Variants in KNDC1 observed in about 807,000 individuals in gnomAD.
KNDC1 encodes kinase non-catalytic C-lobe domain containing 1.
KNDC1 carries 106 observed loss-of-function variants against 172.8 expected under a neutral mutation model. That is an observed-to-expected ratio of 0.61 (90% CI 0.52 to 0.72). The LOEUF (loss-of-function observed/expected upper bound fraction) is 0.72, where lower values mean the gene tolerates loss of function less well. Ranked by LOEUF, KNDC1 falls within the 30% of genes least tolerant of loss-of-function variation. KNDC1 has a pLI of 0.00. For missense variants in KNDC1, 2,325 were observed against 2,394.5 expected (o/e 0.97, Z 0.61); for synonymous variants, 1,083 against 1,062.2 (o/e 1.02, Z -0.38).
intron 29 of KNDC1, among the ~76,000 whole-genome samples, chr10:133,222,427 C>A (rs1474988809): frequency 1.3e-4 from 19 of 149,036 alleles, no homozygotes; most frequent in Non-Finnish European, 2.2e-4. Flanking sequence ...GAGAGCCCAT[C>A]CAGGCATGCT....
At chr10:133,169,005 C>G (rs1271403097) in intron 3 of KNDC1, among the ~76,000 whole-genome samples, 4 of 152,252 alleles carry the variant, frequency 2.6e-5, no homozygotes, top group Non-Finnish European at 5.9e-5. Flanking sequence ...AGGCTGGGCT[C>G]TGTCCCCGGG....
chr10:133,184,055 G>A (rs1166675310), intron 5 of KNDC1, 66 bp downstream of exon 5: 11 of 915,456 alleles, frequency 1.2e-5, no homozygotes, highest in South Asian at 1.7e-5. Context: ...GTATGCACAC[G>A]TGCACATGCT....
chr10:133,177,178 A>AAT (rs751312542), intron 3 of KNDC1, among the ~76,000 whole-genome samples: 3,294 of 151,078 alleles, frequency 0.022, 45 homozygotes, highest in Middle Eastern at 0.035. Context: ...TATACAGTAT[A>AAT]GTGTGTCATG....
chr10:133,196,983 G>A (rs920712939), intron 10 of KNDC1, 75 bp from the exon 11 acceptor site: 1 of 1,203,696 alleles, frequency 8.3e-7, no homozygotes, highest in Non-Finnish European at 1.2e-6. Context: ...TTTTCAGATG[G>A]GGACCCAGTG....
chr10:133,198,797 C>T lies in KNDC1; in HGVS notation c.2289C>T (p.Pro763=), dbSNP rs557154577. The change falls in exon 14 of 30, where the codon CCC becomes CCT. Residue 763 remains proline (P), a synonymous_variant. Coordinates refer to ENST00000304613, the MANE Select transcript of KNDC1 (RefSeq NM_152643.8). ...DSAQGRPCPP[P]QAPANQPEGA... is the part of the protein sequence containing the mutation. ...CCCAGGGCCGCCCCTGCCCTCCACC[C>T]CAGGCCCCAGCAAACCAGCCAGAGG... The T allele has an allele frequency of 6.3e-7, 1 of 1,592,608 alleles. No individual in the cohort carries two copies. The highest frequency in any genetic ancestry group is 8.5e-7 in the Non-Finnish European group (1 of 1,170,084).
Position 133,183,030 on chromosome 10 carries a change from G to A in KNDC1, c.361-314G>A, listed in dbSNP as rs373037158. 3.8e-3 allele frequency among the ~76,000 whole-genome samples: 571 copies of A among 151,736 alleles called. 3 individuals carry two copies. The highest frequency in any genetic ancestry group is 0.011 in the African/African-American group (448 of 41,362). On this transcript the variant is annotated intron_variant, in intron 3 of 29. Transcript: ENST00000304613. ...AAGGGCATGGGTGGCATGGGTGCGA[G>A]CAGCATGGGCGGCGTGGGTACAAGT...
Position 133,183,531 on chromosome 10 carries a change from G to C in KNDC1, c.507+41G>C, listed in dbSNP as rs771449174. 8 of 1,562,686 alleles carry C rather than the reference G, an allele frequency of 5.1e-6. No homozygotes were observed. In the East Asian group the frequency reaches 1.8e-4, roughly 36 times the overall value. On this transcript the variant is annotated intron_variant, in intron 4 of 29. Transcript: ENST00000304613. ...CTGGGCCACCCCAGGCTGTGACCCT[G>C]ACCCCACAGGCCTGGACACCGTGTG... is the stretch of plus-strand genomic sequence containing the variant.
chr10:133,188,485 G>A (rs573218057), intron 6 of KNDC1, 54 bp from the exon 7 acceptor site: 159 of 1,191,832 alleles, frequency 1.3e-4, no homozygotes, highest in South Asian at 1.1e-3. Flanking sequence ...CTCTCCAGGC[G>A]GCGGGCCCTG....
At chr10:133,214,742 C>T (rs1845441281) in intron 26 of KNDC1, among the ~76,000 whole-genome samples, 3 of 152,370 alleles carry the variant, frequency 2.0e-5, no homozygotes, top group Admixed American at 6.5e-5. Flanking sequence ...CAAGCTCCAG[C>T]GCCGGGGCCC....
At position 133,198,459 on chromosome 10, in the gene KNDC1, T is replaced by A; in HGVS notation, c.2029T>A (p.Phe677Ile). Reference sequence around the variant, plus strand: ...AGCGTTCACCTCCGAGGCCACGCACTTCAAGCCCATTGTCCTCGCGCAGAA... The same window carrying A: ...AGCGTTCACCTCCGAGGCCACGCACATCAAGCCCATTGTCCTCGCGCAGAA... ...PAAFTSEATH[F>I]KPIVLAQNAS... The change falls in exon 13 of 30, where the codon TTC becomes ATC. Residue 677 changes from phenylalanine (F) to isoleucine (I), a missense_variant. Coordinates refer to ENST00000304613, the MANE Select transcript of KNDC1 (RefSeq NM_152643.8). The A allele has an allele frequency of 2.5e-6, 4 of 1,606,558 alleles. No individual in the cohort carries two copies. The highest frequency in any genetic ancestry group is 3.4e-6 in the Non-Finnish European group (4 of 1,176,956).
intron 3 of KNDC1, among the ~76,000 whole-genome samples, chr10:133,181,003 A>G (rs1366263094): frequency 6.6e-6 from 1 of 152,188 alleles, no homozygotes; most frequent in Admixed American, 6.5e-5. Context: ...TTGTAAGTGG[A>G]GGTGACCTGG....
At chr10:133,183,531 G>A in intron 4 of KNDC1, 41 bp downstream of exon 4, 1 of 1,562,686 alleles carries the variant, frequency 6.4e-7, no homozygotes, top group Non-Finnish European at 8.6e-7. Context: ...CTGTGACCCT[G>A]ACCCCACAGG....
chr10:133,184,223 GCA>G (rs531098664), intron 5 of KNDC1, among the ~76,000 whole-genome samples: 2,022 of 58,302 alleles, frequency 0.035, 22 homozygotes, highest in Middle Eastern at 0.11. Flanking sequence ...ACACACCCAT[GCA>G]CACACACCCA....
chr10:133,195,363 C>T (rs1854159869), intron 9 of KNDC1, among the ~76,000 whole-genome samples: 1 of 152,228 alleles, frequency 6.6e-6, no homozygotes, highest in South Asian at 2.1e-4. Flanking sequence ...CCTCGAGCTG[C>T]TGCCTTCGTG....
In KNDC1 at chr10:133,197,664, C is replaced by CTCCTCACT. The variant is rs760057330; in HGVS notation, c.1813-6_1813-5insACTTCCTC. 10 of 1,606,704 alleles carry CTCCTCACT rather than the reference C, an allele frequency of 6.2e-6. No individual in the cohort carries two copies. The highest frequency in any genetic ancestry group is 8.5e-6 in the Non-Finnish European group (10 of 1,174,516). ...TGGTCACCTGGCCCAGGGCTGTCAC[C>CTCCTCACT]TCCTCCCCAGGTGTACCAGGAGGAA... is the stretch of plus-strand genomic sequence containing the variant. On this transcript the variant is annotated splice_polypyrimidine_tract_variant and intron_variant, in intron 11 of 29. Transcript: ENST00000304613.
chr10:133,177,737 T>A (rs1449430656), intron 3 of KNDC1, among the ~76,000 whole-genome samples: 2 of 151,888 alleles, frequency 1.3e-5, no homozygotes, highest in Non-Finnish European at 2.9e-5. Flanking sequence ...TGTGGCCACA[T>A]GAGTGTTGCA....
chr10:133,181,917 G>A (rs1853730043), intron 3 of KNDC1, among the ~76,000 whole-genome samples: 1 of 152,036 alleles, frequency 6.6e-6, no homozygotes, highest in Non-Finnish European at 1.5e-5. Context: ...AGAAGAAAGT[G>A]TGGGGTGCTG....
chr10:133,161,820 A>C (rs1400821589), intron 1 of KNDC1, among the ~76,000 whole-genome samples: 3 of 152,156 alleles, frequency 2.0e-5, no homozygotes, highest in African/African-American at 7.2e-5. Context: ...CTGAGGACGC[A>C]GCTCTTCCCA....
At chr10:133,171,046 A>G (rs1052445856) in intron 3 of KNDC1, among the ~76,000 whole-genome samples, 2 of 152,254 alleles carry the variant, frequency 1.3e-5, no homozygotes, top group African/African-American at 2.4e-5. Context: ...TGCTTCTTCT[A>G]CTGTTAGGGT....
Sources: gnomAD v4.1 joint callset for allele counts (sites outside exome capture counted in the v4.1 genomes callset) on GRCh38, gnomAD v4.1.1 for gene constraint, MANE v1.5 for transcripts, NCBI Gene and HGNC (gene_info 2026-07-23, HGNC 2026-07-21) for gene names.